Variants in CENPF observed in about 807,000 individuals in gnomAD.
The protein encoded by CENPF is centromere protein F, also known as AH antigen.
Under a neutral mutation model 307.3 loss-of-function variants are expected in CENPF, and 214 were observed. That is an observed-to-expected ratio of 0.70 (90% CI 0.62 to 0.78). The LOEUF (loss-of-function observed/expected upper bound fraction) is 0.78. Ranked by LOEUF, CENPF falls within the 30% of genes least tolerant of loss-of-function variation. The pLI is 0.00. For synonymous variants in CENPF, 1,259 were observed against 1,270.6 expected (o/e 0.99, Z 0.19); for missense variants, 3,401 against 3,483.9 (o/e 0.98, Z 0.60).
chr1:214,657,536 G>A lies in CENPF; in HGVS notation c.8962+127G>A, dbSNP rs142835276. ...GCAATAATCTCATTGACGTTCATAAGCAATAGTCTGCTTTTAAATGGATGA... is the reference window on the plus strand; with the variant it reads ...GCAATAATCTCATTGACGTTCATAAACAATAGTCTGCTTTTAAATGGATGA... On this transcript the variant is annotated intron_variant, in intron 18 of 19. Coordinates refer to ENST00000366955, the MANE Select transcript of CENPF (RefSeq NM_016343.4). 5 of 678,038 alleles carry A rather than the reference G, an allele frequency of 7.4e-6. No individual in the cohort carries two copies. The East Asian group carries it at 1.1e-4, about 15-fold the overall frequency. 42.0% of individuals were successfully genotyped at this position (678,038 alleles called of 1,614,324 possible).
rs746264272 is a variant in CENPF at position 214,644,694 on chromosome 1, A to G, written c.5124A>G (p.Lys1708=). ...AQQDLNLDIE[K]ITETGAVKPT... ...AGGACCTCAATCTAGACATTGAGAA[A>G]ATAACTGAGACTGGTGCAGTGAAAC... The change falls in exon 13 of 20, where the codon AAA becomes AAG. Residue 1708 remains lysine (K), a synonymous_variant. Transcript: ENST00000366955. 10 of 1,614,032 alleles carry G rather than the reference A, an allele frequency of 6.2e-6. 1 individual carries two copies. In the South Asian group the frequency reaches 7.7e-5, roughly 12 times the overall value.
At position 214,646,390 on chromosome 1, in the gene CENPF, G is replaced by T. The variant is rs767785644; in HGVS notation, c.6820G>T (p.Ala2274Ser). Residue 2274 changes from alanine (A) to serine (S), a missense_variant, in exon 13 of 20, where the codon GCC (alanine) becomes TCC (serine). Ala to Ser is a moderately conservative substitution (Grantham distance 99, BLOSUM62 1). Transcript: ENST00000366955. Reference sequence around the variant, plus strand: ...AAAGGAGCTAAATGAGGCAGTAGCAGCCTTGTGTGGTGACCAAGAAATTAT... The same window carrying T: ...AAAGGAGCTAAATGAGGCAGTAGCATCCTTGTGTGGTGACCAAGAAATTAT... ...QLKELNEAVAALCGDQEIMKA... is the reference protein window; with the variant it reads ...QLKELNEAVASLCGDQEIMKA... The T allele has an allele frequency of 5.0e-6, 8 of 1,614,136 alleles. No homozygotes were observed. Among genetic ancestry groups the T allele is most frequent in the South Asian group, 1.1e-5 (1 of 91,070 alleles).
At position 214,641,255 on chromosome 1, in the gene CENPF, A is replaced by G. The variant is rs1401320150; in HGVS notation, c.2917A>G (p.Thr973Ala). The change falls in exon 12 of 20, where the codon ACC becomes GCC. Residue 973 changes from threonine to alanine, a missense_variant. Transcript: ENST00000366955. ...AAATAAAAGGGAAATTGAAGAGCTG[A>G]CCCAAGAGAATGGGACTCTTAAGGA... ...SLNKREIEEL[T>A]QENGTLKEIN... The G allele has an allele frequency of 3.7e-6, 6 of 1,602,696 alleles. No individual in the cohort carries two copies. The highest frequency in any genetic ancestry group is 5.1e-6 in the Non-Finnish European group (6 of 1,177,162).
At position 214,645,293 on chromosome 1, in the gene CENPF, G is replaced by A. The variant is rs963309636; in HGVS notation, c.5723G>A (p.Arg1908Lys). Residue 1908 changes from arginine (R) to lysine (K), a missense_variant, in exon 13 of 20, where the codon AGA (arginine) becomes AAA (lysine). Coordinates refer to ENST00000366955, the MANE Select transcript of CENPF (RefSeq NM_016343.4). ...GTGGAAAATGAGCTGAGTAGGATCA[G>A]ATCGGAGAAAGCTAGCATTGAGCAT... ...LDVENELSRI[R>K]SEKASIEHEA... is the part of the protein sequence containing the mutation. 6.2e-7 allele frequency: 1 copy of A among 1,614,164 alleles called. No homozygotes were observed. The highest frequency in any genetic ancestry group is 8.5e-7 in the Non-Finnish European group (1 of 1,180,028).
chr1:214,614,012 TTCA>T, intron 2 of CENPF, 96 bp downstream of exon 2: 1 of 1,174,674 alleles, frequency 8.5e-7, no homozygotes. Flanking sequence ...GATTAATTAT[TTCA>T]TCTTCTTTAC....
Position 214,645,030 on chromosome 1 carries a change from C to T in CENPF, c.5460C>T (p.Thr1820=), listed in dbSNP as rs770959862. 9.9e-6 allele frequency: 16 copies of T among 1,613,426 alleles called. No homozygotes were observed. The highest frequency in any genetic ancestry group is 1.2e-5 in the Non-Finnish European group (14 of 1,179,916). ...ATTTACAGGAGGTACAACTAATGAC[C>T]AAAATTGAAGCATGCATAGAATTGG... ...KLHLQEVQLM[T]KIEACIELEK... Residue 1820 remains threonine, a synonymous_variant, in exon 13 of 20, where the codon ACC becomes ACT. Transcript: ENST00000366955.
In CENPF at chr1:214,642,646, G is replaced by T; in HGVS notation, c.4308G>T (p.Gln1436His). The change falls in exon 12 of 20, where the codon CAG (glutamine) becomes CAT (histidine). Residue 1436 changes from glutamine (Q) to histidine (H), a missense_variant. Coordinates refer to ENST00000366955, the MANE Select transcript of CENPF (RefSeq NM_016343.4). ...CQMSSKMSEL[Q>H]TYVDSLKAEN... ...TGAGCTCTAAAATGTCAGAGCTGCAGACCTATGTTGACTCATTAAAGGCCG... is the reference window on the plus strand; with the variant it reads ...TGAGCTCTAAAATGTCAGAGCTGCATACCTATGTTGACTCATTAAAGGCCG... 1 of 1,614,026 alleles carries T rather than the reference G, an allele frequency of 6.2e-7. No homozygotes were observed. The highest frequency in any genetic ancestry group is 8.5e-7 in the Non-Finnish European group (1 of 1,179,974).
intron 3 of CENPF, among the ~76,000 whole-genome samples, chr1:214,616,954 T>TTCCTTCCC (rs1342748852): frequency 4.0e-5 from 5 of 123,740 alleles, no homozygotes; most frequent in Non-Finnish European, 8.5e-5. Flanking sequence ...CCTCCCTTCC[T>TTCCTTCCC]TCCTTCCCTC....
intron 14 of CENPF, 136 bp downstream of exon 14, chr1:214,648,963 T>C: frequency 1.2e-6 from 1 of 847,036 alleles, no homozygotes; most frequent in South Asian, 1.8e-5. Flanking sequence ...TGTGCTTATG[T>C]CATAATCTGA....
chr1:214,603,579 C>T (rs555824503), intron 1 of CENPF: 10 of 152,134 alleles, frequency 6.6e-5, no homozygotes, highest in Non-Finnish European at 1.3e-4. Flanking sequence ...TGTCCCAGAC[C>T]CTACTCGGTC....
Position 214,663,926 on chromosome 1 carries a change from A to G in CENPF, c.*132A>G. 1 of 701,918 alleles carries G rather than the reference A, an allele frequency of 1.4e-6. No individual in the cohort carries two copies. The highest frequency in any genetic ancestry group is 2.3e-6 in the Non-Finnish European group (1 of 428,740). 43.5% of individuals were successfully genotyped at this position (701,918 alleles called of 1,614,324 possible). On this transcript the variant is annotated 3_prime_UTR_variant, in exon 20 of 20. Coordinates refer to ENST00000366955, the MANE Select transcript of CENPF (RefSeq NM_016343.4). Reference sequence around the variant, plus strand: ...AAACAATTCCTTAGAAGTCTTAAATATATTGTACTCTTTAGATCTCCCATG... The same window carrying G: ...AAACAATTCCTTAGAAGTCTTAAATGTATTGTACTCTTTAGATCTCCCATG...
At chr1:214,620,987 A>G (rs1657490133) in intron 6 of CENPF, 41 bp downstream of exon 6, 1 of 1,541,846 alleles carries the variant, frequency 6.5e-7, no homozygotes, top group East Asian at 2.3e-5. Flanking sequence ...ACTTTGCTTG[A>G]GGTAATTTCA....
At chr1:214,658,690 C>T (rs542711544) in intron 18 of CENPF, among the ~76,000 whole-genome samples, 160 bp from the exon 19 acceptor site, 1 of 152,230 alleles carries the variant, frequency 6.6e-6, no homozygotes, top group African/African-American at 2.4e-5. Context: ...TTTGGTGACT[C>T]CCAGGGCAAC....
At chr1:214,608,780 G>C in intron 1 of CENPF, 1 of 1,600,852 alleles carries the variant, frequency 6.2e-7, no homozygotes, top group Non-Finnish European at 8.5e-7. Flanking sequence ...GCAGCGATGC[G>C]GCCGGGGCAG....
intron 18 of CENPF, among the ~76,000 whole-genome samples, chr1:214,657,981 T>C (rs765378443): frequency 6.6e-6 from 1 of 152,230 alleles, no homozygotes; most frequent in East Asian, 1.9e-4. Flanking sequence ...CAAGCACATA[T>C]CATGTTTTCT....
intron 7 of CENPF, among the ~76,000 whole-genome samples, chr1:214,628,837 A>G (rs1265253675): frequency 1.3e-5 from 2 of 152,214 alleles, no homozygotes; most frequent in Admixed American, 6.5e-5. Context: ...AAAATGTTAG[A>G]TGAATCGTTA....
In CENPF at chr1:214,655,350, T is replaced by C. The variant is rs781527319; in HGVS notation, c.8432T>C (p.Ile2811Thr). The stretch of plus-strand genomic sequence containing the variant: ...AAACAGCTGGAAGAGGAAAAGGAGA[T>C]ACTGCAGAAAGAACTCTCTCAACTT... ...SCKQLEEEKE[I>T]LQKELSQLQA... Residue 2811 changes from isoleucine to threonine, a missense_variant, in exon 17 of 20, where the codon ATA becomes ACA. Coordinates refer to ENST00000366955, the MANE Select transcript of CENPF (RefSeq NM_016343.4). 25 of 1,609,610 alleles carry C rather than the reference T, an allele frequency of 1.6e-5. No homozygotes were observed. Among genetic ancestry groups the C allele is most frequent in the Admixed American group, 1.3e-4 (8 of 59,470 alleles).
At chr1:214,614,277 G>T (rs1426607607) in intron 2 of CENPF, among the ~76,000 whole-genome samples, 2 of 152,104 alleles carry the variant, frequency 1.3e-5, no homozygotes, top group East Asian at 3.9e-4. Context: ...AAGGCAAAAG[G>T]TGTCTGCTCC....
intron 3 of CENPF, among the ~76,000 whole-genome samples, chr1:214,616,081 T>C (rs1657328346): frequency 6.6e-6 from 1 of 152,132 alleles, no homozygotes; most frequent in South Asian, 2.1e-4. Flanking sequence ...TTGAACCGTT[T>C]GGAATGTTTG....
Sources: gnomAD v4.1 joint callset for allele counts (sites outside exome capture counted in the v4.1 genomes callset) on GRCh38, gnomAD v4.1.1 for gene constraint, MANE v1.5 for transcripts, NCBI Gene and HGNC (gene_info 2026-07-23, HGNC 2026-07-21) for gene names.